The following PCCA variants were observed in gnomAD, a reference collection of about 807,000 sequenced individuals.
PCCA encodes propionyl-CoA carboxylase alpha chain, mitochondrial.
In PCCA, 74 loss-of-function variants were observed where a neutral mutation model predicts 101.3. The observed-to-expected ratio is 0.73, with a 90% CI of 0.61 to 0.89. PCCA has a LOEUF of 0.89. Ranked by LOEUF, PCCA falls within the 40% of genes least tolerant of loss-of-function variation. The pLI, the probability that PCCA is intolerant of heterozygous loss-of-function variation, is 0.00. For synonymous variants in PCCA, 294 were observed against 313.6 expected (o/e 0.94, Z 0.66); for missense variants, 891 against 907.0 (o/e 0.98, Z 0.23).
chr13:100,433,328 T>C (rs1336092232), intron 20 of PCCA, among the ~76,000 whole-genome samples: 2 of 152,172 alleles, frequency 1.3e-5, no homozygotes, highest in African/African-American at 4.8e-5. Flanking sequence ...AGCCATCCTA[T>C]TGGGGGTGAA....
intron 19 of PCCA, 72 bp downstream of exon 19, chr13:100,368,646 G>A: frequency 1.1e-6 from 1 of 904,154 alleles, no homozygotes; most frequent in Admixed American, 1.8e-5. Flanking sequence ...TTTTTAACCT[G>A]TTCAGTGACT....
At chr13:100,158,297 C>G (rs2054082633) in intron 6 of PCCA, among the ~76,000 whole-genome samples, 1 of 152,192 alleles carries the variant, frequency 6.6e-6, no homozygotes, top group Non-Finnish European at 1.5e-5. Context: ...TGGAGCATAA[C>G]TGTACTCGTA....
intron 19 of PCCA, 70 bp downstream of exon 19, chr13:100,368,644 C>A: frequency 1.1e-6 from 1 of 934,720 alleles, no homozygotes; most frequent in Non-Finnish European, 1.8e-6. Flanking sequence ...CATTTTTAAC[C>A]TGTTCAGTGA....
At chr13:100,523,056 T>C (rs1386317053) in intron 22 of PCCA, among the ~76,000 whole-genome samples, 3 of 152,216 alleles carry the variant, frequency 2.0e-5, no homozygotes, top group Non-Finnish European at 4.4e-5. Flanking sequence ...TGCACTTTCT[T>C]TGAGCGTTCT....
chr13:100,343,012 C>G (rs1032622836), intron 18 of PCCA, among the ~76,000 whole-genome samples: 1 of 152,112 alleles, frequency 6.6e-6, no homozygotes, highest in Non-Finnish European at 1.5e-5. Context: ...TAGACCTGAG[C>G]TGGGCGAAAC....
At chr13:100,295,759 T>C (rs1258604522) in intron 12 of PCCA, among the ~76,000 whole-genome samples, 1 of 152,226 alleles carries the variant, frequency 6.6e-6, no homozygotes, top group Non-Finnish European at 1.5e-5. Context: ...GCCAAATAAT[T>C]AGAGCTGCAG....
At chr13:100,153,370 C>A (rs2053563963) in intron 4 of PCCA, among the ~76,000 whole-genome samples, 1 of 151,348 alleles carries the variant, frequency 6.6e-6, no homozygotes, top group Admixed American at 6.6e-5. Context: ...GGAGATTCAT[C>A]CTAAATTGAA....
intron 12 of PCCA, among the ~76,000 whole-genome samples, chr13:100,286,913 C>T (rs1215814637): frequency 6.6e-6 from 1 of 151,844 alleles, no homozygotes; most frequent in African/African-American, 2.4e-5. Context: ...ATTTTTAAAT[C>T]TTCTCTTTGT....
At chr13:100,336,996 C>T (rs1310634104) in intron 17 of PCCA, among the ~76,000 whole-genome samples, 1 of 152,112 alleles carries the variant, frequency 6.6e-6, no homozygotes, top group East Asian at 1.9e-4. Context: ...CCAGCAGCAC[C>T]TCTCAGTCTT....
intron 6 of PCCA, among the ~76,000 whole-genome samples, chr13:100,162,986 C>G (rs1302396413): frequency 1.3e-5 from 2 of 152,168 alleles, no homozygotes; most frequent in Non-Finnish European, 2.9e-5. Flanking sequence ...GAGAACGTTT[C>G]CTTTCCTATA....
At chr13:100,527,922 C>T (rs937383300) in intron 23 of PCCA, among the ~76,000 whole-genome samples, 170 bp downstream of exon 23, 1 of 152,204 alleles carries the variant, frequency 6.6e-6, no homozygotes, top group African/African-American at 2.4e-5. Flanking sequence ...CCTGATGCAT[C>T]CCTGCCTCGT....
At chr13:100,452,435 C>G (rs1166433153) in intron 21 of PCCA, among the ~76,000 whole-genome samples, 1 of 152,182 alleles carries the variant, frequency 6.6e-6, no homozygotes, top group Non-Finnish European at 1.5e-5. Flanking sequence ...CCTTGTTGCT[C>G]TTCTTCAGAC....
At chr13:100,515,125 A>G (rs1433044682) in intron 21 of PCCA, among the ~76,000 whole-genome samples, 1 of 152,228 alleles carries the variant, frequency 6.6e-6, no homozygotes, top group Admixed American at 6.5e-5. Flanking sequence ...AGGGAATACA[A>G]GTAAAATTCT....
At chr13:100,529,626 C>G (rs1020845849) in intron 23 of PCCA, among the ~76,000 whole-genome samples, 7 of 152,190 alleles carry the variant, frequency 4.6e-5, no homozygotes, top group Admixed American at 1.3e-4. Context: ...CAGGGAGGTC[C>G]TCCTCTTACT....
intron 20 of PCCA, among the ~76,000 whole-genome samples, chr13:100,433,581 T>A (rs2079715728): frequency 6.6e-6 from 1 of 152,132 alleles, no homozygotes; most frequent in Non-Finnish European, 1.5e-5. Context: ...CAGTCTGTAA[T>A]GTTGCTACCA....
chr13:100,351,547 T>C (rs1185943994), intron 18 of PCCA, among the ~76,000 whole-genome samples: 1 of 152,202 alleles, frequency 6.6e-6, no homozygotes, highest in African/African-American at 2.4e-5. Context: ...TAATGCTTTT[T>C]TCTATATTTG....
intron 7 of PCCA, among the ~76,000 whole-genome samples, chr13:100,233,821 A>G (rs2060628200): frequency 6.6e-6 from 1 of 152,210 alleles, no homozygotes; most frequent in Non-Finnish European, 1.5e-5. Flanking sequence ...AAGTTGAAAG[A>G]TAAGCTTGCT....
chr13:100,460,013 T>C (rs1349573353), intron 21 of PCCA, among the ~76,000 whole-genome samples: 1 of 152,248 alleles, frequency 6.6e-6, no homozygotes, highest in Non-Finnish European at 1.5e-5. Flanking sequence ...TACTGTCACA[T>C]TGAGGGTTAG....
chr13:100,312,905 C>A (rs1046222907), intron 16 of PCCA, among the ~76,000 whole-genome samples: 3 of 152,108 alleles, frequency 2.0e-5, no homozygotes, highest in African/African-American at 7.2e-5. Flanking sequence ...CTACATATCA[C>A]AATAATTTTT....
Sources: allele counts gnomAD v4.1 joint callset (sites outside exome capture counted in the v4.1 genomes callset), GRCh38; gene constraint gnomAD v4.1.1; transcripts MANE v1.5; gene names NCBI Gene and HGNC (gene_info 2026-07-23, HGNC 2026-07-21).